The following CBFB variants were observed in gnomAD, a reference collection of about 807,000 sequenced individuals.
CBFB encodes the protein core-binding factor subunit beta, also known as CBF-beta.
CBFB carries 9 observed loss-of-function variants against 30.4 expected under a neutral mutation model. The ratio of observed to expected loss-of-function variants is 0.30; its 90% CI spans 0.18 to 0.52. The LOEUF (loss-of-function observed/expected upper bound fraction) is 0.52, where lower values mean the gene tolerates loss of function less well. Among genes scored for constraint, CBFB ranks in the 20% least tolerant of loss-of-function variants. The probability of loss-of-function intolerance (pLI) is 0.97; values close to 1 mark genes in which losing one functional copy is unlikely to be tolerated. For synonymous variants in CBFB, 94 were observed against 84.0 expected (o/e 1.12, Z -0.65); for missense variants, 170 against 244.0 (o/e 0.70, Z 2.02).
rs1404149843 is a variant in CBFB at position 67,099,271 on chromosome 16, C to T, written c.*493C>T. 1 of 230,168 alleles carries T rather than the reference C, an allele frequency of 4.3e-6. No homozygotes were observed. Among genetic ancestry groups the T allele is most frequent in the African/African-American group, 2.2e-5 (1 of 44,846 alleles). 14.3% of individuals were successfully genotyped at this position (230,168 alleles called of 1,614,324 possible). ...CCATTTCCTTTTGTGTTTTTATAGT[C>T]TATAGCATTTTAAAACTGCTGATGT... On this transcript the variant is annotated 3_prime_UTR_variant, in exon 6 of 6. Coordinates refer to ENST00000412916, the MANE Select transcript of CBFB (RefSeq NM_022845.3).
intron 3 of CBFB, among the ~76,000 whole-genome samples, chr16:67,047,092 A>G (rs2145725864): frequency 6.6e-6 from 1 of 152,094 alleles, no homozygotes; most frequent in East Asian, 1.9e-4. Context: ...CAGGCAGATC[A>G]CAAGGTCAGG....
chr16:67,095,210 CAAAA>C (rs71145959), intron 5 of CBFB, among the ~76,000 whole-genome samples: 65 of 27,090 alleles, frequency 2.4e-3, no homozygotes, highest in East Asian at 0.021. Context: ...AAGTGTGTCT[CAAAA>C]AAAAAAAAAA....
In CBFB at chr16:67,037,642, G is replaced by A. The variant is rs187067613; in HGVS notation, c.282+887G>A. On this transcript the variant is annotated intron_variant, in intron 3 of 5. Coordinates refer to ENST00000412916, the MANE Select transcript of CBFB (RefSeq NM_022845.3). ...GCTGAGAGCCTTATTTCAGGTCTAC[G>A]TTAAATGTATTATGATTTTGGTAAT... Among the ~76,000 whole-genome samples the A allele has an allele frequency of 2.8e-3, 416 of 149,814 alleles. 1 individual carries two copies. The highest frequency in any genetic ancestry group is 4.7e-3 in the Non-Finnish European group (321 of 67,692).
chr16:67,040,168 T>C lies in CBFB; in HGVS notation c.282+3413T>C, dbSNP rs528757816. ...TTTCTCTTTTTATGGTCTGTTTTAT[T>C]ATAACCATTAGGTTTTGTTTCTGTC... On this transcript the variant is annotated intron_variant, in intron 3 of 5. Coordinates refer to ENST00000412916, the MANE Select transcript of CBFB (RefSeq NM_022845.3). Among the ~76,000 whole-genome samples, 9 of 152,344 alleles carry C rather than the reference T, an allele frequency of 5.9e-5. No homozygotes were observed. In the South Asian group the frequency reaches 1.7e-3, roughly 28 times the overall value.
chr16:67,088,785 C>T (rs1056093977), intron 5 of CBFB, among the ~76,000 whole-genome samples: 2 of 152,170 alleles, frequency 1.3e-5, no homozygotes, highest in African/African-American at 2.4e-5. Context: ...TTAGGGATGT[C>T]CTCCACTGTT....
At chr16:67,052,444 G>T (rs1960582415) in intron 3 of CBFB, among the ~76,000 whole-genome samples, 1 of 151,748 alleles carries the variant, frequency 6.6e-6, no homozygotes, top group Non-Finnish European at 1.5e-5. Flanking sequence ...GGCATAGTGG[G>T]GTGTGCCTGT....
chr16:67,063,642 C>T lies in CBFB; in HGVS notation c.283-3040C>T, dbSNP rs1960972281. On this transcript the variant is annotated intron_variant, in intron 3 of 5. Coordinates refer to ENST00000412916, the MANE Select transcript of CBFB (RefSeq NM_022845.3). ...ATTTCTTGTAGAGACAGGGTTTCATCATGTTGTCCCAGCTGATCTTGAACT... is the reference window on the plus strand; with the variant it reads ...ATTTCTTGTAGAGACAGGGTTTCATTATGTTGTCCCAGCTGATCTTGAACT... 2.0e-5 allele frequency among the ~76,000 whole-genome samples: 3 copies of T among 152,188 alleles called. No individual in the cohort carries two copies. In the South Asian group the frequency reaches 6.2e-4, roughly 32 times the overall value.
chr16:67,097,034 A>G (rs1962068618), intron 5 of CBFB, among the ~76,000 whole-genome samples: 1 of 150,822 alleles, frequency 6.6e-6, no homozygotes, highest in African/African-American at 2.4e-5. Flanking sequence ...AGGAGTTCCA[A>G]GACCAGCCCT....
At chr16:67,041,983 C>G (rs1966539471) in intron 3 of CBFB, among the ~76,000 whole-genome samples, 1 of 151,112 alleles carries the variant, frequency 6.6e-6, no homozygotes, top group Non-Finnish European at 1.5e-5. Flanking sequence ...TCATGGCTCA[C>G]TGCAGCCTCA....
intron 4 of CBFB, among the ~76,000 whole-genome samples, chr16:67,075,138 C>T (rs1206445224): frequency 6.6e-6 from 1 of 150,784 alleles, no homozygotes; most frequent in African/African-American, 2.5e-5. Flanking sequence ...TTCAGTGAGC[C>T]GAGATCACGT....
intron 2 of CBFB, among the ~76,000 whole-genome samples, chr16:67,035,096 T>G (rs1467063761): frequency 2.0e-5 from 3 of 152,140 alleles, no homozygotes; most frequent in African/African-American, 7.2e-5. Context: ...TTTTTTGTTT[T>G]TGTGATGGAG....
intron 4 of CBFB, among the ~76,000 whole-genome samples, chr16:67,070,195 T>G (rs148329669): frequency 4.7e-4 from 71 of 152,308 alleles, no homozygotes; most frequent in Non-Finnish European, 8.4e-4. Flanking sequence ...AATTAAAACT[T>G]TCTAGTGAAA....
In CBFB at chr16:67,100,320, T is replaced by C. The variant is rs1489228586; in HGVS notation, c.*1542T>C. On this transcript the variant is annotated 3_prime_UTR_variant, in exon 6 of 6. Coordinates refer to ENST00000412916, the MANE Select transcript of CBFB (RefSeq NM_022845.3). ...TTGACTGATGAGGGAGGTGTTACTT[T>C]CATTGTATATAGGTCTTATTTCATA... 1 of 222,602 alleles carries C rather than the reference T, an allele frequency of 4.5e-6. No individual in the cohort carries two copies. The highest frequency in any genetic ancestry group is 5.7e-5 in the Admixed American group (1 of 17,410). The allele number at this position is 222,602 out of a possible 1,614,324, so 13.8% of individuals were successfully genotyped here. A position where few individuals can be genotyped will look rare whatever the true frequency, so the allele number is the denominator to read the frequency against.
rs183848684 is a variant in CBFB at position 67,043,165 on chromosome 16, G to A, written c.282+6410G>A. Among the ~76,000 whole-genome samples the A allele has an allele frequency of 1.9e-3, 290 of 152,286 alleles. 1 individual carries two copies. The highest frequency in any genetic ancestry group is 6.5e-3 in the African/African-American group (269 of 41,534). ...AGTCTAGCCCACATTCAACAGGGAG[G>A]GAGGGATTACACAGGGGTGTGAATA... is the stretch of plus-strand genomic sequence containing the variant. On this transcript the variant is annotated intron_variant, in intron 3 of 5. Coordinates refer to ENST00000412916, the MANE Select transcript of CBFB (RefSeq NM_022845.3).
intron 3 of CBFB, among the ~76,000 whole-genome samples, chr16:67,039,227 C>T (rs896384870): frequency 7.2e-5 from 11 of 152,034 alleles, no homozygotes; most frequent in South Asian, 2.1e-4. Flanking sequence ...AGCATGTTAC[C>T]GTACTGAATA....
At chr16:67,077,896 T>G (rs1961446417) in intron 4 of CBFB, among the ~76,000 whole-genome samples, 1 of 152,188 alleles carries the variant, frequency 6.6e-6, no homozygotes, top group Non-Finnish European at 1.5e-5. Flanking sequence ...GGATTTAATT[T>G]ACACCCAGCC....
chr16:67,053,636 T>G (rs1050832933), intron 3 of CBFB, among the ~76,000 whole-genome samples: 17 of 151,894 alleles, frequency 1.1e-4, no homozygotes, highest in African/African-American at 4.1e-4. Flanking sequence ...AGCTTCCCTG[T>G]GAATTTTTAG....
intron 5 of CBFB, among the ~76,000 whole-genome samples, chr16:67,089,184 G>A (rs947751177): frequency 4.6e-5 from 7 of 152,124 alleles, no homozygotes; most frequent in African/African-American, 1.7e-4. Context: ...GTTTATGTTA[G>A]TAACCTTTAC....
At chr16:67,068,589 T>A (rs1260065132) in intron 4 of CBFB, among the ~76,000 whole-genome samples, 3 of 152,002 alleles carry the variant, frequency 2.0e-5, no homozygotes, top group Admixed American at 2.0e-4. Flanking sequence ...CAAACAAACA[T>A]CAACAACAAG....
Sources: allele counts gnomAD v4.1 joint callset (sites outside exome capture counted in the v4.1 genomes callset), GRCh38; gene constraint gnomAD v4.1.1; transcripts MANE v1.5; gene names NCBI Gene and HGNC (gene_info 2026-07-23, HGNC 2026-07-21).